Variants in SETD7 observed in about 807,000 individuals in gnomAD.
The protein encoded by SETD7 is histone-lysine N-methyltransferase SETD7.
Under a neutral mutation model 41.8 loss-of-function variants are expected in SETD7, and 16 were observed. The ratio of observed to expected loss-of-function variants is 0.38; its 90% CI spans 0.26 to 0.58. The LOEUF is 0.58. Among genes scored for constraint, SETD7 ranks in the 20% least tolerant of loss-of-function variants. The pLI, the probability that SETD7 is intolerant of heterozygous loss-of-function variation, is 0.64. For synonymous variants in SETD7, 163 were observed against 169.7 expected (o/e 0.96, Z 0.31); for missense variants, 346 against 459.7 (o/e 0.75, Z 2.26).
chr4:139,547,844 G>A (rs1728005382), intron 1 of SETD7, among the ~76,000 whole-genome samples: 1 of 152,222 alleles, frequency 6.6e-6, no homozygotes, highest in Non-Finnish European at 1.5e-5. Flanking sequence ...TGGAGCCAGA[G>A]TATGCACATG....
intron 2 of SETD7, chr4:139,546,570 C>T: frequency 2.8e-6 from 1 of 350,980 alleles, no homozygotes; most frequent in Non-Finnish European, 5.4e-6. Flanking sequence ...AAACGATCCC[C>T]ACTTGTGTGA....
chr4:139,519,171 C>T (rs569640353), intron 6 of SETD7, among the ~76,000 whole-genome samples: 1 of 152,156 alleles, frequency 6.6e-6, no homozygotes, highest in Non-Finnish European at 1.5e-5. Context: ...TACCATCTAC[C>T]TTAGGCTGCC....
chr4:139,544,547 A>C (rs755336173), intron 2 of SETD7, among the ~76,000 whole-genome samples: 10 of 152,058 alleles, frequency 6.6e-5, no homozygotes, highest in Non-Finnish European at 1.2e-4. Context: ...ATATGAGAAG[A>C]CAGGTGCCCA....
intron 7 of SETD7, among the ~76,000 whole-genome samples, chr4:139,517,175 C>G (rs909584695): frequency 2.0e-5 from 3 of 152,134 alleles, no homozygotes; most frequent in Non-Finnish European, 4.4e-5. Context: ...CTTTCTTTCA[C>G]ATCATAAAAG....
intron 5 of SETD7, 126 bp downstream of exon 5, chr4:139,523,228 A>C (rs1727229561): frequency 1.6e-6 from 1 of 618,436 alleles, no homozygotes; most frequent in Non-Finnish European, 2.9e-6. Flanking sequence ...GGACACTTTC[A>C]TGAGGAGCTT....
At chr4:139,520,909 G>T (rs1439412152) in intron 5 of SETD7, among the ~76,000 whole-genome samples, 1 of 152,178 alleles carries the variant, frequency 6.6e-6, no homozygotes, top group Non-Finnish European at 1.5e-5. Context: ...CATAACAGGG[G>T]TCAGTTAACT....
rs530852888 is a variant in SETD7 at position 139,511,098 on chromosome 4, G to A, written c.*565C>T. The A allele has an allele frequency of 6.5e-5, 10 of 154,420 alleles. No individual in the cohort carries two copies. Among genetic ancestry groups the A allele is most frequent in the Admixed American group, 4.6e-4 (7 of 15,326 alleles). 9.6% of individuals were successfully genotyped at this position (154,420 alleles called of 1,614,324 possible). A position where few individuals can be genotyped will look rare whatever the true frequency, so the allele number is the denominator to read the frequency against. On this transcript the variant is annotated 3_prime_UTR_variant, in exon 8 of 8. Coordinates refer to ENST00000274031, the MANE Select transcript of SETD7 (RefSeq NM_030648.4). ...AAGGGTATCTAAGAAAGAGAATAGG[G>A]CTGAGGGGTGAAATGACTTTAGAAG...
chr4:139,537,901 C>T (rs4863503), intron 2 of SETD7, among the ~76,000 whole-genome samples: 3,016 of 152,180 alleles, frequency 0.02, 190 homozygotes, highest in Admixed American at 0.12. Context: ...GTTGTTATAA[C>T]GGTTAAATGG....
Position 139,523,389 on chromosome 4 carries a change from G to A in SETD7, c.609C>T (p.Thr203=). Residue 203 remains threonine (T), a synonymous_variant, in exon 5 of 8, where the codon ACC becomes ACT. Transcript: ENST00000274031. ...CATAAGGATCTGGAAGAAGAGCATT[G>A]GTAGAAATGCAAGATGAAGTCGACT... ...FDKSTSSCIS[T]NALLPDPYES... is the part of the protein sequence containing the mutation. 1 of 1,613,300 alleles carries A rather than the reference G, an allele frequency of 6.2e-7. No homozygotes were observed.
intron 7 of SETD7, among the ~76,000 whole-genome samples, chr4:139,499,082 A>G (rs1424114402): frequency 6.6e-6 from 1 of 152,198 alleles, no homozygotes; most frequent in Non-Finnish European, 1.5e-5. Context: ...AAATTTTCTG[A>G]CCTACCTTGT....
chr4:139,522,870 C>T (rs62323114), intron 5 of SETD7, among the ~76,000 whole-genome samples: 17,085 of 151,072 alleles, frequency 0.11, 1,210 homozygotes, highest in Middle Eastern at 0.17. Context: ...TCTTGTGCCT[C>T]AGCCTCCCGA....
At chr4:139,523,311 C>T (rs763759664) in intron 5 of SETD7, 43 bp downstream of exon 5, 9 of 1,440,172 alleles carry the variant, frequency 6.2e-6, no homozygotes, top group Non-Finnish European at 8.8e-6. Context: ...GCTTATTTAA[C>T]CTCACATAAA....
chr4:139,550,979 CT>C (rs1423412877), intron 1 of SETD7, among the ~76,000 whole-genome samples: 2 of 152,202 alleles, frequency 1.3e-5, no homozygotes, highest in Non-Finnish European at 2.9e-5. Flanking sequence ...ATTCTAGACA[CT>C]GGCAAACTAG....
intron 1 of SETD7, among the ~76,000 whole-genome samples, chr4:139,547,257 A>G (rs978336035): frequency 6.6e-6 from 1 of 152,242 alleles, no homozygotes; most frequent in Non-Finnish European, 1.5e-5. Context: ...TGTTATGTAC[A>G]CTTTGTGAAC....
intron 3 of SETD7, among the ~76,000 whole-genome samples, chr4:139,530,513 T>A (rs1016173873): frequency 6.6e-6 from 1 of 152,278 alleles, no homozygotes; most frequent in African/African-American, 2.4e-5. Context: ...TTCAAGTTAA[T>A]TCTTAATAAT....
At chr4:139,516,431 A>C (rs1419479146) in intron 7 of SETD7, among the ~76,000 whole-genome samples, 2 of 139,318 alleles carry the variant, frequency 1.4e-5, no homozygotes, top group East Asian at 4.4e-4. Flanking sequence ...TCACCATTGC[A>C]CTCCAGCTTG....
chr4:139,530,159 T>C (rs1183695150), intron 3 of SETD7, among the ~76,000 whole-genome samples: 1 of 152,172 alleles, frequency 6.6e-6, no homozygotes, highest in Admixed American at 6.5e-5. Context: ...CTTTCTTTCT[T>C]TCTTTTTTTT....
intron 1 of SETD7, among the ~76,000 whole-genome samples, chr4:139,553,400 T>C (rs1487199243): frequency 2.0e-5 from 3 of 152,192 alleles, no homozygotes; most frequent in Non-Finnish European, 4.4e-5. Context: ...CTCTACAGAG[T>C]TACACTGATA....
intron 2 of SETD7, among the ~76,000 whole-genome samples, chr4:139,537,232 C>T (rs1579218466): frequency 6.6e-6 from 1 of 152,186 alleles, no homozygotes; most frequent in East Asian, 1.9e-4. Context: ...ACCTCGGCCT[C>T]CCAAAGTGCT....
Sources: gnomAD v4.1 joint callset for allele counts (sites outside exome capture counted in the v4.1 genomes callset) on GRCh38, gnomAD v4.1.1 for gene constraint, MANE v1.5 for transcripts, NCBI Gene and HGNC (gene_info 2026-07-23, HGNC 2026-07-21) for gene names.